The following ANKRD54 variants were observed in gnomAD, a reference collection of about 807,000 sequenced individuals.
ANKRD54 encodes ankyrin repeat domain 54.
ANKRD54 carries 26 observed loss-of-function variants against 36.2 expected under a neutral mutation model. The ratio of observed to expected loss-of-function variants is 0.72; its 90% CI spans 0.53 to 1.00. The LOEUF is 1.00. Ranked by LOEUF, ANKRD54 falls within the 50% of genes least tolerant of loss-of-function variation. The probability of loss-of-function intolerance (pLI) is 0.00; values close to 1 mark genes in which losing one functional copy is unlikely to be tolerated. For synonymous variants in ANKRD54, 209 were observed against 188.4 expected (o/e 1.11, Z -0.89); for missense variants, 384 against 424.3 (o/e 0.91, Z 0.83).
At chr22:37,836,337 T>C (rs1486504629) in intron 3 of ANKRD54, among the ~76,000 whole-genome samples, 5 of 147,744 alleles carry the variant, frequency 3.4e-5, no homozygotes, top group Admixed American at 6.7e-5. Flanking sequence ...TCCCAGCTAC[T>C]TGGGAGGATG....
chr22:37,844,339 G>A (rs372640432), upstream of ANKRD54: 269 of 1,365,658 alleles, frequency 2.0e-4, no homozygotes, highest in Non-Finnish European at 2.4e-4. Flanking sequence ...CGAGCTGGCG[G>A]GCGGGCAGGG....
chr22:37,847,828 G>A (rs1924927026), upstream of ANKRD54: 1 of 415,334 alleles, frequency 2.4e-6, no homozygotes, highest in African/African-American at 2.1e-5. Context: ...ACAGCACAAG[G>A]AAGAAACACA....
At chr22:37,843,349 G>A (rs1195673979) in intron 1 of ANKRD54, among the ~76,000 whole-genome samples, 1 of 151,978 alleles carries the variant, frequency 6.6e-6, no homozygotes, top group African/African-American at 2.4e-5. Context: ...CTTGAACCCG[G>A]GGGGCGGAGG....
chr22:37,833,002 C>T lies in ANKRD54; in HGVS notation c.676G>A (p.Gly226Ser). The change falls in exon 6 of 8, where the codon GGC becomes AGC. Residue 226 changes from glycine (G) to serine (S), a missense_variant. This residue lies in a region of ANKRD54 where 179 missense variants were observed against 224.0 expected (regional missense o/e 0.80). Transcript: ENST00000215941. ...AKSKLNILQEGHAQCLEAVRL... is the reference protein window; with the variant it reads ...AKSKLNILQESHAQCLEAVRL... ...ACAGCCTCTAGGCACTGGGCATGGC[C>T]CTCCTGCAGGATATTCAGCTTTGAC... 1 of 1,614,122 alleles carries T rather than the reference C, an allele frequency of 6.2e-7. No individual in the cohort carries two copies. Among genetic ancestry groups the T allele is most frequent in the Non-Finnish European group, 8.5e-7 (1 of 1,180,034 alleles).
rs377076385 is a variant in ANKRD54, at chr22:37,832,740, A to G, written c.725T>C (p.Ile242Thr). 3 of 1,613,954 alleles carry G rather than the reference A, an allele frequency of 1.9e-6. No homozygotes were observed. In the African/African-American group the frequency reaches 4.0e-5, roughly 22 times the overall value. ...CTCCAGATACTCCCTCAGCATATGGATGATCTGGAACAAGAGGGTGAGCTG... is the reference window on the plus strand; with the variant it reads ...CTCCAGATACTCCCTCAGCATATGGGTGATCTGGAACAAGAGGGTGAGCTG... ...EAVRLEVKQI[I>T]HMLREYLERL... Residue 242 changes from isoleucine (I) to threonine (T), a missense_variant, in exon 7 of 8, where the codon ATC becomes ACC. By Grantham distance (89) the Ile-to-Thr change is moderately conservative (BLOSUM62 -1). Around this residue, in one of 3 missense-constraint regions of ANKRD54, gnomAD observed 179 missense variants for 224.0 expected, o/e 0.80. Coordinates refer to ENST00000215941, the MANE Select transcript of ANKRD54 (RefSeq NM_138797.4).
chr22:37,842,381 C>G (rs1924386507), intron 1 of ANKRD54, among the ~76,000 whole-genome samples: 1 of 152,268 alleles, frequency 6.6e-6, no homozygotes, highest in South Asian at 2.1e-4. Context: ...CTCTCTATCA[C>G]TTGTAGTCAC....
intron 1 of ANKRD54, among the ~76,000 whole-genome samples, chr22:37,842,906 C>T (rs923639212): frequency 1.2e-4 from 19 of 152,286 alleles, no homozygotes; most frequent in South Asian, 8.3e-4. Context: ...CGGGCTGACC[C>T]GGATTCTAAT....
At chr22:37,845,697 C>A (rs1220115906), upstream of ANKRD54, among the ~76,000 whole-genome samples, 1 of 152,092 alleles carries the variant, frequency 6.6e-6, no homozygotes, top group Non-Finnish European at 1.5e-5. Context: ...GATGAAACCT[C>A]GTTTCTACTA....
At chr22:37,841,559 A>ACAC (rs1569101826) in intron 1 of ANKRD54, among the ~76,000 whole-genome samples, 3 of 147,676 alleles carry the variant, frequency 2.0e-5, no homozygotes, top group African/African-American at 2.5e-5. Flanking sequence ...CACACACACA[A>ACAC]AAAACATAGG....
Position 37,831,972 on chromosome 22 carries a change from G to A in ANKRD54, c.874C>T (p.Leu292=), listed in dbSNP as rs1922936914. The A allele has an allele frequency of 6.2e-7, 1 of 1,613,582 alleles. No homozygotes were observed. The highest frequency in any genetic ancestry group is 8.5e-7 in the Non-Finnish European group (1 of 1,179,882). Residue 292 remains leucine, a synonymous_variant, in exon 8 of 8, where the codon CTG becomes TTG. Transcript: ENST00000215941. ...CTCTTCTCCATGCTCTGCATCTGCA[G>A]ACTGAGGGAGGTGAAGCTGGCCAGG... ...DLLASFTSLS[L]QMQSMEKR is the part of the protein sequence containing the mutation.
intron 2 of ANKRD54, among the ~76,000 whole-genome samples, chr22:37,839,440 T>A (rs1402307831): frequency 6.6e-6 from 1 of 152,174 alleles, no homozygotes; most frequent in African/African-American, 2.4e-5. Flanking sequence ...CAGGCTAGAG[T>A]GCAGTGGCGT....
At chr22:37,832,532 C>A in intron 7 of ANKRD54, 105 bp downstream of exon 7, 1 of 1,088,154 alleles carries the variant, frequency 9.2e-7, no homozygotes, top group Non-Finnish European at 1.3e-6. Flanking sequence ...CTGGCCCCAG[C>A]CCACAGCCTC....
Position 37,831,971 on chromosome 22 carries a change from A to G in ANKRD54, c.875T>C (p.Leu292Pro). The G allele has an allele frequency of 6.2e-7, 1 of 1,613,742 alleles. No homozygotes were observed. The highest frequency in any genetic ancestry group is 8.5e-7 in the Non-Finnish European group (1 of 1,179,894). Residue 292 changes from leucine (L) to proline (P), a missense_variant, in exon 8 of 8, where the codon CTG becomes CCG. By Grantham distance (98) the Leu-to-Pro change is moderately conservative. Coordinates refer to ENST00000215941, the MANE Select transcript of ANKRD54 (RefSeq NM_138797.4). ...DLLASFTSLS[L>P]QMQSMEKR ...CCTCTTCTCCATGCTCTGCATCTGC[A>G]GACTGAGGGAGGTGAAGCTGGCCAG...
At chr22:37,844,336 GCGGGCGGGCAGGGCC>G, upstream of ANKRD54, 1 of 1,399,998 alleles carries the variant, frequency 7.1e-7, no homozygotes, top group South Asian at 1.4e-5. Flanking sequence ...CAGCGAGCTG[GCGGGCGGGCAGGGCC>G]CGCAACCACG....
intron 6 of ANKRD54, 44 bp downstream of exon 6, chr22:37,832,914 G>C: frequency 6.2e-7 from 1 of 1,610,262 alleles, no homozygotes; most frequent in East Asian, 2.2e-5. Flanking sequence ...CATCTGTCCA[G>C]TGCTGCCTTG....
chr22:37,847,938 G>A (rs116342821), upstream of ANKRD54, among the ~76,000 whole-genome samples: 887 of 152,282 alleles, frequency 5.8e-3, 17 homozygotes, highest in African/African-American at 0.021. Flanking sequence ...GTGCCATGCA[G>A]ATACCGATGG....
Position 37,844,314 on chromosome 22 carries a change from G to A in ANKRD54, c.-76C>T, listed in dbSNP as rs760255960. The stretch of plus-strand genomic sequence containing the variant: ...CAACGGACCTACTTCCCTCCGCCCT[G>A]AGTCGTGCTGTCAGCGAGCTGGCGG... On this transcript the variant is annotated 5_prime_UTR_variant, in exon 1 of 8. Coordinates refer to ENST00000215941, the MANE Select transcript of ANKRD54 (RefSeq NM_138797.4). 7.5e-6 allele frequency: 11 copies of A among 1,457,588 alleles called. No homozygotes were observed. Among genetic ancestry groups the A allele is most frequent in the Non-Finnish European group, 1.0e-5 (11 of 1,096,682 alleles). 90.3% of individuals were successfully genotyped at this position (1,457,588 alleles called of 1,614,324 possible).
At position 37,832,682 on chromosome 22, in the gene ANKRD54, C is replaced by T; in HGVS notation, c.783G>A (p.Leu261=). ...RLGQHEQRER[L]DDLCTRLQMT... is the part of the protein sequence containing the mutation. ...TCTGCAGGCGGGTGCAGAGGTCATC[C>T]AGGCGTTCTCGCTGCTCATGTTGCC... The change falls in exon 7 of 8, where the codon CTG becomes CTA. Residue 261 remains leucine (L), a synonymous_variant. Transcript: ENST00000215941. 6.2e-7 allele frequency: 1 copy of T among 1,614,166 alleles called. No homozygotes were observed. Among genetic ancestry groups the T allele is most frequent in the Non-Finnish European group, 8.5e-7 (1 of 1,180,036 alleles).
chr22:37,833,868 T>G (rs1394774655), intron 3 of ANKRD54, 113 bp from the exon 4 acceptor site: 1 of 862,220 alleles, frequency 1.2e-6, no homozygotes, highest in Non-Finnish European at 1.9e-6. Context: ...AATGCAAGCA[T>G]GGATGGCTGT....
Sources: gnomAD v4.1 joint callset for allele counts (sites outside exome capture counted in the v4.1 genomes callset) on GRCh38, gnomAD v4.1.1 for gene constraint, gnomAD v4.1.1 regional missense constraint, MANE v1.5 for transcripts, NCBI Gene and HGNC (gene_info 2026-07-23, HGNC 2026-07-21) for gene names.